The following CTNNA2 variants were observed in gnomAD, a reference collection of about 807,000 sequenced individuals.
The protein encoded by CTNNA2 is catenin alpha 2, also known as catenin alpha-2.
CTNNA2 carries 42 observed loss-of-function variants against 101.0 expected under a neutral mutation model. The ratio of observed to expected loss-of-function variants is 0.42; its 90% CI spans 0.32 to 0.54. CTNNA2 has a LOEUF of 0.54. Among genes scored for constraint, CTNNA2 ranks in the 20% least tolerant of loss-of-function variants. CTNNA2 has a pLI of 0.14. For missense variants in CTNNA2, 871 were observed against 1,223.1 expected, an observed-to-expected ratio of 0.71 and a Z score of 4.29; for synonymous variants, 450 against 456.4, an observed-to-expected ratio of 0.99 and a Z score of 0.18.
At chr2:79,305,339 T>C (rs1412471347) in intron 2 of CTNNA2, among the ~76,000 whole-genome samples, 2 of 145,748 alleles carry the variant, frequency 1.4e-5, no homozygotes, top group Middle Eastern at 3.6e-3. Flanking sequence ...TATATACATA[T>C]ATACATACAT....
chr2:79,890,966 T>A (rs932561793), intron 6 of CTNNA2, among the ~76,000 whole-genome samples: 10 of 148,622 alleles, frequency 6.7e-5, no homozygotes, highest in Admixed American at 6.2e-4. Context: ...TAAGGGTAGA[T>A]CCCTCCAGAT....
At chr2:79,419,577 T>C (rs1175710632) in intron 4 of CTNNA2, among the ~76,000 whole-genome samples, 1 of 152,056 alleles carries the variant, frequency 6.6e-6, no homozygotes. Flanking sequence ...ATTTAAAAAA[T>C]AAAAATAATA....
intron 1 of CTNNA2, among the ~76,000 whole-genome samples, chr2:79,564,279 A>G (rs1674972903): frequency 1.3e-5 from 2 of 150,590 alleles, no homozygotes; most frequent in Admixed American, 1.3e-4. Context: ...TAAAATTTAA[A>G]TTAATATTAT....
chr2:80,577,056 T>C (rs758152301), intron 13 of CTNNA2, among the ~76,000 whole-genome samples: 12 of 150,698 alleles, frequency 8.0e-5, no homozygotes, highest in Non-Finnish European at 1.5e-4. Context: ...CTAGTTTTAT[T>C]AATTAGAAAT....
chr2:79,898,520 A>C (rs545419179), intron 6 of CTNNA2, among the ~76,000 whole-genome samples: 35 of 152,288 alleles, frequency 2.3e-4, no homozygotes, highest in African/African-American at 8.4e-4. Context: ...GGAGTCAGAA[A>C]GACTTCTCAA....
intron 1 of CTNNA2, among the ~76,000 whole-genome samples, chr2:79,631,351 C>A (rs1679682202): frequency 6.6e-6 from 1 of 152,288 alleles, no homozygotes; most frequent in Admixed American, 6.5e-5. Context: ...ATTTTACACT[C>A]ATTTCGTATG....
intron 2 of CTNNA2, among the ~76,000 whole-genome samples, chr2:79,715,785 C>G (rs1367088962): frequency 6.6e-6 from 1 of 151,912 alleles, no homozygotes; most frequent in Non-Finnish European, 1.5e-5. Context: ...CATTGCTAAC[C>G]CACTGAATGC....
At chr2:79,934,404 C>T (rs1687647199) in intron 7 of CTNNA2, among the ~76,000 whole-genome samples, 1 of 152,214 alleles carries the variant, frequency 6.6e-6, no homozygotes, top group Admixed American at 6.5e-5. Flanking sequence ...TTATCTTTAA[C>T]TGTGCAACTC....
At chr2:80,600,515 G>A (rs1233730602) in intron 15 of CTNNA2, among the ~76,000 whole-genome samples, 1 of 151,918 alleles carries the variant, frequency 6.6e-6, no homozygotes, top group Non-Finnish European at 1.5e-5. Context: ...AGAGTCAATA[G>A]AAACATATGC....
chr2:79,970,156 GT>G (rs1405625603), intron 7 of CTNNA2, among the ~76,000 whole-genome samples: 1 of 152,166 alleles, frequency 6.6e-6, no homozygotes, highest in East Asian at 1.9e-4. Context: ...TTTGGGAACA[GT>G]GTTATAGAGA....
chr2:79,858,219 T>G, intron 4 of CTNNA2, 40 bp downstream of exon 4: 1 of 1,519,326 alleles, frequency 6.6e-7, no homozygotes, highest in East Asian at 2.3e-5. Flanking sequence ...TTTATGTGAG[T>G]GGCAATCTTG....
In CTNNA2 at chr2:79,685,931, T is replaced by TACTG. The variant is rs549835482; in HGVS notation, c.102+34276_102+34279dup. On this transcript the variant is annotated intron_variant, in intron 2 of 18. Coordinates refer to ENST00000402739, the MANE Select transcript of CTNNA2 (RefSeq NM_001282597.3). The stretch of plus-strand genomic sequence containing the variant: ...ATACAATGAAAAGGTATGTGCAGCG[T>TACTG]ACTGACCACTGAGGGGCACATGTGA... 5.9e-5 allele frequency among the ~76,000 whole-genome samples: 9 copies of TACTG among 152,158 alleles called. No homozygotes were observed. In the East Asian group the frequency reaches 1.6e-3, roughly 26 times the overall value.
intron 9 of CTNNA2, among the ~76,000 whole-genome samples, chr2:80,498,144 C>T (rs1327022588): frequency 1.3e-5 from 2 of 152,138 alleles, no homozygotes; most frequent in Non-Finnish European, 2.9e-5. Context: ...ACCAAAAAAA[C>T]CACTCTGTGC....
chr2:79,653,680 G>T (rs555439090), intron 2 of CTNNA2, among the ~76,000 whole-genome samples: 7 of 152,088 alleles, frequency 4.6e-5, no homozygotes, highest in Non-Finnish European at 1.5e-5. Flanking sequence ...GTCTTCATAC[G>T]TTGAGAATTT....
chr2:80,335,931 C>T (rs62141584), intron 7 of CTNNA2, among the ~76,000 whole-genome samples: 1 of 152,132 alleles, frequency 6.6e-6, no homozygotes, highest in Non-Finnish European at 1.5e-5. Context: ...TTGTTCATGC[C>T]ACACTGGGAC....
At chr2:80,347,843 C>CTTTT (rs1244814935) in intron 7 of CTNNA2, among the ~76,000 whole-genome samples, 21 of 145,792 alleles carry the variant, frequency 1.4e-4, no homozygotes, top group African/African-American at 5.3e-4. Context: ...CTTTTCTTTT[C>CTTTT]TTTTTTTTTT....
At chr2:79,338,337 T>C (rs940046621) in intron 3 of CTNNA2, among the ~76,000 whole-genome samples, 1 of 151,432 alleles carries the variant, frequency 6.6e-6, no homozygotes, top group African/African-American at 2.4e-5. Context: ...AGGAAGAGAA[T>C]TTGAGGCAGA....
At chr2:79,957,161 A>C (rs1689297510) in intron 7 of CTNNA2, among the ~76,000 whole-genome samples, 1 of 151,776 alleles carries the variant, frequency 6.6e-6, no homozygotes, top group Non-Finnish European at 1.5e-5. Flanking sequence ...GCCCTACAAG[A>C]CTCCTTCTAG....
intron 3 of CTNNA2, among the ~76,000 whole-genome samples, chr2:79,822,460 A>C (rs141840495): frequency 6.6e-6 from 1 of 152,162 alleles, no homozygotes; most frequent in South Asian, 2.1e-4. Context: ...CTGTGTCAAC[A>C]TCCTATTCTC....
Sources: gnomAD v4.1 joint callset for allele counts (sites outside exome capture counted in the v4.1 genomes callset) on GRCh38, gnomAD v4.1.1 for gene constraint, MANE v1.5 for transcripts, NCBI Gene and HGNC (gene_info 2026-07-23, HGNC 2026-07-21) for gene names.